The following TMPRSS4 variants were observed in gnomAD, a reference collection of about 807,000 sequenced individuals.
The protein encoded by TMPRSS4 is transmembrane protease serine 4.
In TMPRSS4, 45 loss-of-function variants were observed where a neutral mutation model predicts 56.4. The ratio of observed to expected loss-of-function variants is 0.80; its 90% CI spans 0.63 to 1.02. TMPRSS4 has a LOEUF of 1.02. Ranked by LOEUF, TMPRSS4 falls within the 50% of genes least tolerant of loss-of-function variation. TMPRSS4 has a pLI of 0.00. For synonymous variants in TMPRSS4, 205 were observed against 211.0 expected, an observed-to-expected ratio of 0.97 and a Z score of 0.25; for missense variants, 546 against 556.7, an observed-to-expected ratio of 0.98 and a Z score of 0.19.
intron 6 of TMPRSS4, 62 bp from the exon 7 acceptor site, chr11:118,108,794 G>A: frequency 1.3e-6 from 2 of 1,590,194 alleles, no homozygotes; most frequent in Non-Finnish European, 1.7e-6. Context: ...CGGGAGGCCT[G>A]AGTCCCTGCC....
intron 1 of TMPRSS4, among the ~76,000 whole-genome samples, chr11:118,085,390 A>AT (rs974136284): frequency 2.6e-5 from 4 of 151,680 alleles, no homozygotes; most frequent in Non-Finnish European, 5.9e-5. Flanking sequence ...CGCCCAGCTA[A>AT]TTTTTTGTAT....
intron 11 of TMPRSS4, among the ~76,000 whole-genome samples, chr11:118,116,427 A>T (rs1056833589): frequency 6.6e-6 from 1 of 152,252 alleles, no homozygotes; most frequent in African/African-American, 2.4e-5. Flanking sequence ...TTAAACAGAC[A>T]TTTAAGCTAT....
chr11:118,096,875 GAA>G (rs1409359547), intron 2 of TMPRSS4, among the ~76,000 whole-genome samples: 2 of 44,784 alleles, frequency 4.5e-5, no homozygotes, highest in African/African-American at 1.9e-4. Flanking sequence ...AAGAAAGAAA[GAA>G]AGAAAGAAAG....
At chr11:118,107,978 T>A (rs1947084157) in intron 6 of TMPRSS4, 103 bp downstream of exon 6, 1 of 875,122 alleles carries the variant, frequency 1.1e-6, no homozygotes, top group Non-Finnish European at 1.8e-6. Context: ...CAGGGGAATG[T>A]AAGCAGACAT....
In TMPRSS4 at chr11:118,119,242, A is replaced by G; in HGVS notation, c.*1329A>G. 1 of 985,444 alleles carries G rather than the reference A, an allele frequency of 1.0e-6. No homozygotes were observed. Among genetic ancestry groups the G allele is most frequent in the Non-Finnish European group, 1.2e-6 (1 of 829,934 alleles). The allele number at this position is 985,444 out of a possible 1,614,324, so 61.0% of individuals were successfully genotyped here. A position where few individuals can be genotyped will look rare whatever the true frequency, so the allele number is the denominator to read the frequency against. On this transcript the variant is annotated 3_prime_UTR_variant, in exon 13 of 13. Coordinates refer to ENST00000437212, the MANE Select transcript of TMPRSS4 (RefSeq NM_019894.4). ...ACTAAAATCTTGGGTCGAGACCTAT[A>G]TGAAGGCTGGCAGTGGAGCTAAACC...
chr11:118,116,244 G>A lies in TMPRSS4; in HGVS notation c.1152+964G>A, dbSNP rs530264195. Among the ~76,000 whole-genome samples the A allele has an allele frequency of 2.0e-4, 31 of 152,150 alleles. No homozygotes were observed. In the South Asian group the frequency reaches 3.3e-3, roughly 16 times the overall value. On this transcript the variant is annotated intron_variant, in intron 11 of 12. Coordinates refer to ENST00000437212, the MANE Select transcript of TMPRSS4 (RefSeq NM_019894.4). Reference sequence around the variant, plus strand: ...GCTGGGATTACAGGCATGAGCCATCGTGCTTGGCCTGAACCATTTTCATTA... The same window carrying A: ...GCTGGGATTACAGGCATGAGCCATCATGCTTGGCCTGAACCATTTTCATTA...
chr11:118,109,982 G>T (rs1285454145), intron 7 of TMPRSS4, among the ~76,000 whole-genome samples: 1 of 152,208 alleles, frequency 6.6e-6, no homozygotes, highest in East Asian at 1.9e-4. Flanking sequence ...CCCTTGAGGG[G>T]CCTCTGTTTT....
At chr11:118,111,922 G>T in intron 8 of TMPRSS4, 22 bp downstream of exon 8, 1 of 1,595,204 alleles carries the variant, frequency 6.3e-7, no homozygotes, top group Non-Finnish European at 8.5e-7. Flanking sequence ...GCTGTAAGGA[G>T]GTCTCTGGGG....
chr11:118,103,140 A>C lies in TMPRSS4; in HGVS notation c.197A>C (p.Gln66Pro). The C allele has an allele frequency of 1.9e-6, 3 of 1,614,234 alleles. No homozygotes were observed. Among genetic ancestry groups the C allele is most frequent in the Non-Finnish European group, 2.5e-6 (3 of 1,180,048 alleles). Reference protein sequence around the residue: ...ILDKYYFLCGQPLHFIPRKQL... With the variant: ...ILDKYYFLCGPPLHFIPRKQL... ...GATAAATACTACTTCCTCTGCGGGCAGCCTCTCCACTTCATCCCGAGGAAG... is the reference window on the plus strand; with the variant it reads ...GATAAATACTACTTCCTCTGCGGGCCGCCTCTCCACTTCATCCCGAGGAAG... The change falls in exon 4 of 13, where the codon CAG (glutamine) becomes CCG (proline). Residue 66 changes from glutamine to proline, a missense_variant. Gln to Pro is a moderately conservative substitution (Grantham distance 76). Transcript: ENST00000437212.
Position 118,118,386 on chromosome 11 carries a change from CGT to C in TMPRSS4, c.*474_*475del. 1 of 1,001,424 alleles carries C rather than the reference CGT, an allele frequency of 1.0e-6. No homozygotes were observed. The highest frequency in any genetic ancestry group is 1.2e-6 in the Non-Finnish European group (1 of 840,902). The allele number at this position is 1,001,424 out of a possible 1,614,324, so 62.0% of individuals were successfully genotyped here. ...ACTGCCCTACTGTTGGTATGACTAC[CGT>C]TACCTACTGTTGTCATTGTTATTAC... On this transcript the variant is annotated 3_prime_UTR_variant, in exon 13 of 13. Transcript: ENST00000437212.
intron 1 of TMPRSS4, among the ~76,000 whole-genome samples, chr11:118,084,446 CT>C (rs1180905329): frequency 4.6e-5 from 7 of 152,216 alleles, no homozygotes; most frequent in African/African-American, 9.6e-5. Context: ...TATTAAAGCA[CT>C]ATTTATAGGA....
chr11:118,114,879 G>C lies in TMPRSS4; in HGVS notation c.961G>C (p.Ala321Pro). 1.9e-6 allele frequency: 3 copies of C among 1,609,166 alleles called. No individual in the cohort carries two copies. Among genetic ancestry groups the C allele is most frequent in the Non-Finnish European group, 2.5e-6 (3 of 1,177,930 alleles). Reference protein sequence around the residue: ...LPFFDEELTPATPLWIIGWGF... With the variant: ...LPFFDEELTPPTPLWIIGWGF... ...CTTCTTTGATGAGGAGCTCACTCCAGCCACCCCACTCTGGATCATTGGATG... is the reference window on the plus strand; with the variant it reads ...CTTCTTTGATGAGGAGCTCACTCCACCCACCCCACTCTGGATCATTGGATG... The change falls in exon 10 of 13, where the codon GCC (alanine) becomes CCC (proline). Residue 321 changes from alanine (A) to proline (P), a missense_variant. By Grantham distance (27) the Ala-to-Pro change is conservative (BLOSUM62 -1). Coordinates refer to ENST00000437212, the MANE Select transcript of TMPRSS4 (RefSeq NM_019894.4).
chr11:118,100,092 T>C (rs1403481512), intron 3 of TMPRSS4, among the ~76,000 whole-genome samples: 1 of 152,158 alleles, frequency 6.6e-6, no homozygotes, highest in East Asian at 1.9e-4. Context: ...ATTCTGGCTC[T>C]GCCTCTTGCT....
chr11:118,125,367 A>G, downstream of TMPRSS4: 2 of 456,082 alleles, frequency 4.4e-6, no homozygotes, highest in Non-Finnish European at 8.8e-6. Flanking sequence ...TGTACCGCTG[A>G]TGGAGCTACG....
At chr11:118,111,992 T>G in intron 8 of TMPRSS4, 92 bp downstream of exon 8, 4 of 1,514,788 alleles carry the variant, frequency 2.6e-6, no homozygotes, top group Non-Finnish European at 1.8e-6. Flanking sequence ...CGTCCTTCTC[T>G]TCACTCTCCC....
intron 9 of TMPRSS4, among the ~76,000 whole-genome samples, chr11:118,113,998 T>G (rs1338210179): frequency 1.3e-5 from 2 of 152,258 alleles, no homozygotes; most frequent in Admixed American, 6.5e-5. Flanking sequence ...CAAATAAGTT[T>G]GGGGAACATT....
downstream of TMPRSS4, among the ~76,000 whole-genome samples, chr11:118,124,937 C>T (rs577475319): frequency 2.6e-5 from 4 of 152,346 alleles, no homozygotes; most frequent in African/African-American, 7.2e-5. Context: ...GTCACTTGCC[C>T]GCTTACTTCT....
intron 8 of TMPRSS4, 129 bp downstream of exon 8, chr11:118,112,029 G>A: frequency 7.5e-7 from 1 of 1,325,362 alleles, no homozygotes; most frequent in Non-Finnish European, 1.0e-6. Flanking sequence ...AGGTTGTGGT[G>A]GCCCCAATGA....
intron 5 of TMPRSS4, chr11:118,106,956 AG>A (rs1210791503): frequency 6.6e-6 from 1 of 152,232 alleles, no homozygotes; most frequent in African/African-American, 2.4e-5. Flanking sequence ...GGGTCCTTCC[AG>A]GAAGTGCCAG....
Sources: allele counts gnomAD v4.1 joint callset (sites outside exome capture counted in the v4.1 genomes callset), GRCh38; gene constraint gnomAD v4.1.1; transcripts MANE v1.5; gene names NCBI Gene and HGNC (gene_info 2026-07-23, HGNC 2026-07-21).